The following TENM2 variants were observed in gnomAD, a reference collection of about 807,000 sequenced individuals.
The protein encoded by TENM2 is teneurin-2.
TENM2 carries 52 observed loss-of-function variants against 245.2 expected under a neutral mutation model. The observed-to-expected ratio is 0.21, with a 90% CI of 0.17 to 0.27. TENM2 has a LOEUF of 0.27. TENM2 is among the 10% of genes least tolerant of loss of function. The pLI is 1.00. For synonymous variants in TENM2, 1,363 were observed against 1,438.9 expected (o/e 0.95, Z 1.19); for missense variants, 3,046 against 3,666.8 (o/e 0.83, Z 4.37).
intron 6 of TENM2, among the ~76,000 whole-genome samples, chr5:168,061,532 T>G (rs1319719834): frequency 6.6e-6 from 1 of 152,240 alleles, no homozygotes; most frequent in Non-Finnish European, 1.5e-5. Flanking sequence ...GTTGTTTCTC[T>G]GCGGCTCTTA....
At chr5:167,855,605 T>C (rs1159372511) in intron 2 of TENM2, among the ~76,000 whole-genome samples, 1 of 143,814 alleles carries the variant, frequency 7.0e-6, no homozygotes, top group African/African-American at 2.6e-5. Context: ...TAATAGAGCC[T>C]GATATGTACT....
At chr5:167,456,696 G>T (rs1765944651) in intron 2 of TENM2, among the ~76,000 whole-genome samples, 1 of 152,096 alleles carries the variant, frequency 6.6e-6, no homozygotes, top group South Asian at 2.1e-4. Flanking sequence ...ACATAAATGA[G>T]CTTATCTATT....
At chr5:168,197,977 C>T (rs1315464511) in intron 15 of TENM2, among the ~76,000 whole-genome samples, 1 of 152,094 alleles carries the variant, frequency 6.6e-6, no homozygotes, top group African/African-American at 2.4e-5. Flanking sequence ...GTTATAATTA[C>T]ACTATTTATT....
chr5:168,199,726 A>C (rs1005534192), intron 16 of TENM2, 138 bp from the exon 19 acceptor site: 1 of 810,162 alleles, frequency 1.2e-6, no homozygotes, highest in African/African-American at 1.7e-5. Flanking sequence ...TTTCTTTCTC[A>C]GTGGTGGTAA....
the TENM2 span, among the ~76,000 whole-genome samples, chr5:167,167,543 A>G: frequency 6.6e-6 from 1 of 152,186 alleles, no homozygotes; most frequent in African/African-American, 2.4e-5. Flanking sequence ...AGCCACCTGG[A>G]GAATGACTAC....
intron 7 of TENM2, among the ~76,000 whole-genome samples, chr5:168,078,909 G>GTT (rs1186649552): frequency 6.6e-6 from 1 of 152,140 alleles, no homozygotes; most frequent in Non-Finnish European, 1.5e-5. Context: ...TCTTGGCAAT[G>GTT]TGGGCTCTTT....
intron 2 of TENM2, among the ~76,000 whole-genome samples, chr5:167,537,250 C>CA (rs386405596): frequency 0.12 from 12,812 of 108,654 alleles, 1,659 homozygotes; most frequent in African/African-American, 0.29. Context: ...CCATCTCTAC[C>CA]AAAAAAAAAA....
intron 3 of TENM2, among the ~76,000 whole-genome samples, chr5:167,915,254 T>TG (rs1232143732): frequency 2.0e-5 from 3 of 152,006 alleles, no homozygotes; most frequent in Admixed American, 6.5e-5. Flanking sequence ...AAATGACACA[T>TG]GCAGCACAGC....
chr5:167,987,289 A>G (rs1580974710), intron 4 of TENM2, among the ~76,000 whole-genome samples: 1 of 151,944 alleles, frequency 6.6e-6, no homozygotes, highest in Non-Finnish European at 1.5e-5. Flanking sequence ...AATTTCTTAA[A>G]TGTTAATGTA....
At chr5:167,748,223 C>T (rs186382304) in intron 2 of TENM2, among the ~76,000 whole-genome samples, 5 of 152,214 alleles carry the variant, frequency 3.3e-5, no homozygotes, top group Admixed American at 2.0e-4. Flanking sequence ...CAATTGCTTC[C>T]ACCCTACATT....
chr5:168,200,854 GA>G (rs1051020041), intron 17 of TENM2, among the ~76,000 whole-genome samples: 3 of 152,184 alleles, frequency 2.0e-5, no homozygotes, highest in African/African-American at 7.2e-5. Flanking sequence ...AGCTATCTAG[GA>G]ATTAATTAAA....
chr5:167,725,748 C>G (rs995714315), intron 2 of TENM2, among the ~76,000 whole-genome samples: 1 of 152,154 alleles, frequency 6.6e-6, no homozygotes, highest in Non-Finnish European at 1.5e-5. Context: ...CTAAGTGCAT[C>G]TGTTACCACT....
intron 13 of TENM2, among the ~76,000 whole-genome samples, chr5:168,169,582 C>T (rs573162840): frequency 5.9e-5 from 9 of 152,326 alleles, no homozygotes; most frequent in South Asian, 4.1e-4. Flanking sequence ...TGGTTTGACA[C>T]GATTCAGGAA....
intron 27 of TENM2, among the ~76,000 whole-genome samples, chr5:168,252,860 CAAAA>C (rs1434130180): frequency 1.3e-5 from 2 of 150,306 alleles, no homozygotes; most frequent in Non-Finnish European, 3.0e-5. Context: ...AAAAAAAAAA[CAAAA>C]AAGAAAAGAA....
intron 12 of TENM2, among the ~76,000 whole-genome samples, chr5:168,148,552 A>G (rs952443983): frequency 2.6e-5 from 4 of 152,294 alleles, no homozygotes; most frequent in Admixed American, 6.5e-5. Context: ...AGAGAGCAGG[A>G]TATGTTCACG....
At chr5:167,277,527 G>A in the TENM2 span, among the ~76,000 whole-genome samples, 1 of 152,024 alleles carries the variant, frequency 6.6e-6, no homozygotes, top group Non-Finnish European at 1.5e-5. Context: ...TATGATCCAA[G>A]ATATGGTTTT....
chr5:167,446,769 A>C (rs570095985), intron 2 of TENM2, among the ~76,000 whole-genome samples: 61 of 145,172 alleles, frequency 4.2e-4, no homozygotes, highest in Middle Eastern at 3.5e-3. Flanking sequence ...TTTTTTACTC[A>C]CCCCATCTCA....
At chr5:167,169,081 C>T in the TENM2 span, among the ~76,000 whole-genome samples, 1 of 152,252 alleles carries the variant, frequency 6.6e-6, no homozygotes, top group African/African-American at 2.4e-5. Flanking sequence ...TTAATAATAA[C>T]AGTAAATTAA....
At chr5:167,642,160 G>GTATATA (rs1030552269) in intron 2 of TENM2, among the ~76,000 whole-genome samples, 1 of 142,844 alleles carries the variant, frequency 7.0e-6, no homozygotes, top group East Asian at 2.0e-4. Context: ...AAAAAAATAT[G>GTATATA]TATATATATA....
Sources: allele counts gnomAD v4.1 joint callset (sites outside exome capture counted in the v4.1 genomes callset), GRCh38; gene constraint gnomAD v4.1.1; transcripts MANE v1.5; gene names NCBI Gene and HGNC (gene_info 2026-07-23, HGNC 2026-07-21).